KHDRBS2: variants seen among roughly 807,000 people sequenced by gnomAD.
The protein encoded by KHDRBS2 is KH RNA binding domain containing, signal transduction associated 2.
KHDRBS2 carries 26 observed loss-of-function variants against 44.3 expected under a neutral mutation model. The observed-to-expected ratio is 0.59, with a 90% confidence interval of 0.43 to 0.81. The LOEUF is 0.81. Among genes scored for constraint, KHDRBS2 ranks in the 40% least tolerant of loss-of-function variants. The pLI is 0.00. For synonymous variants in KHDRBS2, 194 were observed against 151.1 expected, an observed-to-expected ratio of 1.28 and a Z score of -2.08; for missense variants, 476 against 433.1, an observed-to-expected ratio of 1.10 and a Z score of -0.88.
chr6:61,681,575 G>C (rs1766311636), intron 8 of KHDRBS2, among the ~76,000 whole-genome samples: 1 of 151,788 alleles, frequency 6.6e-6, no homozygotes, highest in South Asian at 2.1e-4. Flanking sequence ...AAATTGTATA[G>C]AGAAAGTGAG....
chr6:61,848,576 CATATATATATATATATACT>C (rs1794970407), intron 6 of KHDRBS2, among the ~76,000 whole-genome samples: 2 of 30,012 alleles, frequency 6.7e-5, no homozygotes, highest in South Asian at 1.3e-3. Flanking sequence ...TATATATATA[CATATATATATATATATACT>C]TTTTTTTAAC....
At chr6:61,853,546 A>C (rs1795760379) in intron 6 of KHDRBS2, among the ~76,000 whole-genome samples, 1 of 152,172 alleles carries the variant, frequency 6.6e-6, no homozygotes, top group Non-Finnish European at 1.5e-5. Context: ...GAATCTCCTG[A>C]ATGTAAAAAT....
At chr6:62,084,169 A>G (rs1797968345) in intron 2 of KHDRBS2, among the ~76,000 whole-genome samples, 1 of 152,114 alleles carries the variant, frequency 6.6e-6, no homozygotes. Flanking sequence ...TACCTTTGGT[A>G]TCTTTGTATA....
intron 6 of KHDRBS2, among the ~76,000 whole-genome samples, chr6:61,791,421 T>C (rs1784624656): frequency 6.6e-6 from 1 of 151,544 alleles, no homozygotes; most frequent in Non-Finnish European, 1.5e-5. Context: ...TTTTAACGTG[T>C]AAGATTTTTA....
At chr6:61,542,805 C>T in the KHDRBS2 span, among the ~76,000 whole-genome samples, 2 of 151,924 alleles carry the variant, frequency 1.3e-5, no homozygotes, top group African/African-American at 4.8e-5. Flanking sequence ...ACAAAATTCA[C>T]AGACAATCTG....
At chr6:61,780,575 C>T (rs906979068) in intron 6 of KHDRBS2, among the ~76,000 whole-genome samples, 5 of 152,114 alleles carry the variant, frequency 3.3e-5, no homozygotes, top group African/African-American at 1.2e-4. Context: ...GGAGAATATT[C>T]AACACTGTAT....
At chr6:61,614,593 TG>T in the KHDRBS2 span, among the ~76,000 whole-genome samples, 2 of 152,234 alleles carry the variant, frequency 1.3e-5, no homozygotes, top group African/African-American at 4.8e-5. Flanking sequence ...AATGACATTC[TG>T]GTCTACATCC....
At chr6:62,149,305 C>T (rs565758216) in intron 2 of KHDRBS2, among the ~76,000 whole-genome samples, 3 of 152,188 alleles carry the variant, frequency 2.0e-5, no homozygotes, top group African/African-American at 7.2e-5. Flanking sequence ...ATGAATAATC[C>T]TATCCCTTCA....
At chr6:61,827,947 T>C (rs1791167886) in intron 6 of KHDRBS2, among the ~76,000 whole-genome samples, 1 of 152,178 alleles carries the variant, frequency 6.6e-6, no homozygotes, top group African/African-American at 2.4e-5. Context: ...GGGAAGGGCA[T>C]GATTAGGTCC....
chr6:62,164,859 C>T (rs1162631306), intron 2 of KHDRBS2, among the ~76,000 whole-genome samples: 1 of 151,842 alleles, frequency 6.6e-6, no homozygotes, highest in East Asian at 1.9e-4. Context: ...ACTTATCAGT[C>T]TGATAAAGAG....
At chr6:61,660,381 G>C in the KHDRBS2 span, among the ~76,000 whole-genome samples, 1 of 151,544 alleles carries the variant, frequency 6.6e-6, no homozygotes, top group African/African-American at 2.4e-5. Flanking sequence ...TCTTCCCTAA[G>C]GTCTTTCTGA....
At chr6:62,202,856 G>A (rs1223419080) in intron 1 of KHDRBS2, among the ~76,000 whole-genome samples, 2 of 152,118 alleles carry the variant, frequency 1.3e-5, no homozygotes, top group African/African-American at 4.8e-5. Flanking sequence ...ACAACTGTGT[G>A]AAAAGGGTAT....
chr6:61,659,997 T>C, the KHDRBS2 span, among the ~76,000 whole-genome samples: 5 of 151,800 alleles, frequency 3.3e-5, no homozygotes. Flanking sequence ...AAGCTTCCAA[T>C]AAGGTTATTG....
chr6:61,670,631 C>G, the KHDRBS2 span, among the ~76,000 whole-genome samples: 1 of 151,352 alleles, frequency 6.6e-6, no homozygotes, highest in Non-Finnish European at 1.5e-5. Flanking sequence ...ATTTAATGGT[C>G]TTTGTAAATT....
intron 6 of KHDRBS2, among the ~76,000 whole-genome samples, chr6:61,767,184 T>G (rs1290070954): frequency 6.6e-6 from 1 of 152,036 alleles, no homozygotes; most frequent in Non-Finnish European, 1.5e-5. Flanking sequence ...ATTGATGAGT[T>G]GACCACTTTA....
At chr6:61,676,162 T>C (rs1765925444), downstream of KHDRBS2, among the ~76,000 whole-genome samples, 1 of 151,806 alleles carries the variant, frequency 6.6e-6, no homozygotes, top group South Asian at 2.1e-4. Context: ...TGGTTTTTGT[T>C]CAAATAAAAG....
chr6:61,697,264 T>A lies in KHDRBS2; in HGVS notation c.894-11A>T, dbSNP rs1398406664. On this transcript the variant is annotated splice_polypyrimidine_tract_variant and intron_variant, in intron 7 of 8. Transcript: ENST00000281156. ...TAGTATTCAGGCACACTGCAACAAATTTAGATAGCAATCAATGTTACTATA... is the reference window on the plus strand; with the variant it reads ...TAGTATTCAGGCACACTGCAACAAAATTAGATAGCAATCAATGTTACTATA... 1.9e-6 allele frequency: 3 copies of A among 1,567,580 alleles called. No homozygotes were observed. The highest frequency in any genetic ancestry group is 2.6e-6 in the Non-Finnish European group (3 of 1,138,160).
At chr6:61,939,337 A>G (rs1811676904) in intron 4 of KHDRBS2, among the ~76,000 whole-genome samples, 1 of 152,204 alleles carries the variant, frequency 6.6e-6, no homozygotes, top group Admixed American at 6.5e-5. Context: ...TGTACTTATC[A>G]ACATCACAAT....
At chr6:62,147,343 T>C (rs1814167437) in intron 2 of KHDRBS2, among the ~76,000 whole-genome samples, 1 of 151,932 alleles carries the variant, frequency 6.6e-6, no homozygotes, top group Non-Finnish European at 1.5e-5. Flanking sequence ...TGCCAAATAA[T>C]AGCAATATGT....
Sources: gnomAD v4.1 joint callset for allele counts (sites outside exome capture counted in the v4.1 genomes callset) on GRCh38, gnomAD v4.1.1 for gene constraint, MANE v1.5 for transcripts, NCBI Gene and HGNC (gene_info 2026-07-23, HGNC 2026-07-21) for gene names.